The following RGMA variants were observed in gnomAD, a reference collection of about 807,000 sequenced individuals.
RGMA encodes the protein repulsive guidance molecule BMP co-receptor a.
In RGMA, 10 loss-of-function variants were observed where a neutral mutation model predicts 23.2. The ratio of observed to expected loss-of-function variants is 0.43; its 90% CI spans 0.27 to 0.73. RGMA has a LOEUF of 0.73. Among genes scored for constraint, RGMA ranks in the 30% least tolerant of loss-of-function variants. The probability of loss-of-function intolerance (pLI) is 0.20; values close to 1 mark genes in which losing one functional copy is unlikely to be tolerated. For missense variants in RGMA, 547 were observed against 630.5 expected, an observed-to-expected ratio of 0.87 and a Z score of 1.42; for synonymous variants, 308 against 279.3, an observed-to-expected ratio of 1.10 and a Z score of -1.03.
intron 1 of RGMA, among the ~76,000 whole-genome samples, chr15:93,080,638 T>C (rs1895544271): frequency 1.3e-5 from 2 of 152,208 alleles, no homozygotes; most frequent in South Asian, 4.1e-4. Context: ...GTGCTCCCTT[T>C]GACCTCTGCT....
At chr15:93,060,482 A>G (rs4778082) in intron 2 of RGMA, among the ~76,000 whole-genome samples, 83,489 of 151,966 alleles carry the variant, frequency 0.55, 23,324 homozygotes, top group East Asian at 0.82. Flanking sequence ...TGAGGGACTC[A>G]GCTTAAGCGG....
Position 93,052,068 on chromosome 15 carries a change from G to A in RGMA, c.570C>T (p.Ile190=), listed in dbSNP as rs763193989. 13 of 1,612,692 alleles carry A rather than the reference G, an allele frequency of 8.1e-6. No individual in the cohort carries two copies. Among genetic ancestry groups the A allele is most frequent in the South Asian group, 1.1e-5 (1 of 90,884 alleles). The stretch of plus-strand genomic sequence containing the variant: ...CCTGCACGTTCAGGTAATTATTGTC[G>A]ATGAGCGGCCAGGCGCCCTGCACCT... The part of the protein sequence containing the change: ...TCKVQGAWPL[I]DNNYLNVQVT... The change falls in exon 3 of 4, where the codon ATC becomes ATT. Residue 190 remains isoleucine (I), a synonymous_variant. Transcript: ENST00000329082.
intron 1 of RGMA, among the ~76,000 whole-genome samples, chr15:93,075,429 C>T (rs78132744): frequency 0.02 from 3,080 of 152,176 alleles, 118 homozygotes; most frequent in African/African-American, 0.071. Context: ...CCAAAAAAGA[C>T]AAAGATTCAT....
chr15:93,073,325 G>C (rs998340951), intron 1 of RGMA, among the ~76,000 whole-genome samples: 4 of 151,872 alleles, frequency 2.6e-5, no homozygotes, highest in Admixed American at 2.6e-4. Context: ...CGGGGACCCA[G>C]GCTGCCCGGC....
chr15:93,065,292 A>G (rs1169898342), intron 2 of RGMA, among the ~76,000 whole-genome samples: 1 of 151,814 alleles, frequency 6.6e-6, no homozygotes, highest in Non-Finnish European at 1.5e-5. Context: ...AAGAAAAACA[A>G]CCAGGAGGAG....
intron 3 of RGMA, among the ~76,000 whole-genome samples, chr15:93,046,041 T>C (rs894858346): frequency 3.9e-5 from 6 of 152,040 alleles, no homozygotes; most frequent in East Asian, 3.9e-4. Context: ...AAAAGCCCAG[T>C]GTGGTAGGCT....
chr15:93,065,605 G>A lies in RGMA; in HGVS notation c.130+7311C>T, dbSNP rs1895117007. ...GGAATCACTCCAGGATGGTGGTGGC[G>A]GGGTCCCCACTGTTGATAGGGGCTG... On this transcript the variant is annotated intron_variant, in intron 2 of 3. Coordinates refer to ENST00000329082, the MANE Select transcript of RGMA (RefSeq NM_020211.3). 4.5e-5 allele frequency: 36 copies of A among 802,272 alleles called. 1 individual carries two copies. The highest frequency in any genetic ancestry group is 3.2e-4 in the South Asian group (24 of 76,134). The allele number at this position is 802,272 out of a possible 1,614,324, so 49.7% of individuals were successfully genotyped here.
Position 93,037,237 on chromosome 15 carries a change from A to T in RGMA, c.*7761T>A, listed in dbSNP as rs367732848. 31 of 152,326 alleles carry T rather than the reference A, an allele frequency of 2.0e-4. 1 individual carries two copies. The highest frequency in any genetic ancestry group is 7.2e-4 in the African/African-American group (30 of 41,572). 9.4% of individuals were successfully genotyped at this position (152,326 alleles called of 1,614,324 possible). A position where few individuals can be genotyped will look rare whatever the true frequency, so the allele number is the denominator to read the frequency against. On this transcript the variant is annotated 3_prime_UTR_variant, in exon 4 of 4. Transcript: ENST00000329082. This position sits in a 1 kb window ranked among gnomAD's most constrained non-coding sequence, Gnocchi z 4.3. ...TGTTCCCTCACAGCTGAGATAGCTGAGGCTGCAAAACAAGGAAAACCCACC... is the reference window on the plus strand; with the variant it reads ...TGTTCCCTCACAGCTGAGATAGCTGTGGCTGCAAAACAAGGAAAACCCACC...
At position 93,043,252 on chromosome 15, in the gene RGMA, G is replaced by T. The variant is rs1464942805; in HGVS notation, c.*1746C>A. The T allele has an allele frequency of 7.2e-6, 1 of 138,458 alleles. No individual in the cohort carries two copies. Among genetic ancestry groups the T allele is most frequent in the East Asian group, 2.0e-4 (1 of 5,102 alleles). The allele number at this position is 138,458 out of a possible 1,614,324, so 8.6% of individuals were successfully genotyped here. On this transcript the variant is annotated 3_prime_UTR_variant, in exon 4 of 4. Transcript: ENST00000329082. ...CACATGCGTACATGCACGCACACAG[G>T]CACGCACACACACAGGCATGCATAC...
intron 3 of RGMA, among the ~76,000 whole-genome samples, chr15:93,049,010 G>A (rs549516513): frequency 3.3e-5 from 5 of 152,240 alleles, no homozygotes; most frequent in Admixed American, 6.5e-5. Flanking sequence ...CTCCTGGAAG[G>A]CTGACAGGCT....
chr15:93,043,258 A>ACGCGCACACACAGGCACGCACG lies in RGMA; in HGVS notation c.*1739_*1740insCGTGCGTGCCTGTGTGTGCGCG, dbSNP rs59906908. On this transcript the variant is annotated 3_prime_UTR_variant, in exon 4 of 4. Coordinates refer to ENST00000329082, the MANE Select transcript of RGMA (RefSeq NM_020211.3). Reference sequence around the variant, plus strand: ...CGTACATGCACGCACACAGGCACGCACACACACAGGCATGCATACACACAT... The same window carrying ACGCGCACACACAGGCACGCACG: ...CGTACATGCACGCACACAGGCACGCACGCGCACACACAGGCACGCACGCACACACAGGCATGCATACACACAT... The ACGCGCACACACAGGCACGCACG allele has an allele frequency of 5.2e-5, 1 of 19,232 alleles. No individual in the cohort carries two copies. Among genetic ancestry groups the ACGCGCACACACAGGCACGCACG allele is most frequent in the Non-Finnish European group, 2.6e-4 (1 of 3,872 alleles). The allele number at this position is 19,232 out of a possible 1,614,324, so 1.2% of individuals were successfully genotyped here.
At chr15:93,070,376 C>T (rs1216336276) in intron 2 of RGMA, among the ~76,000 whole-genome samples, 2 of 152,210 alleles carry the variant, frequency 1.3e-5, no homozygotes, top group African/African-American at 4.8e-5. Flanking sequence ...CAGTTTCCAC[C>T]TGTCTTCAAC....
intron 1 of RGMA, among the ~76,000 whole-genome samples, chr15:93,086,332 CCTT>C (rs1424979127): frequency 6.6e-6 from 1 of 152,188 alleles, no homozygotes; most frequent in Non-Finnish European, 1.5e-5. Flanking sequence ...TTCAGATAAT[CCTT>C]CTATGTTTTT....
intron 1 of RGMA, among the ~76,000 whole-genome samples, chr15:93,080,725 C>T (rs762374225): frequency 4.6e-5 from 7 of 152,180 alleles, no homozygotes; most frequent in South Asian, 4.1e-4. Context: ...GCCACCCTTC[C>T]GTGGTATTTG....
intron 1 of RGMA, among the ~76,000 whole-genome samples, chr15:93,085,450 C>G (rs1283379614): frequency 6.6e-6 from 1 of 152,208 alleles, no homozygotes; most frequent in Non-Finnish European, 1.5e-5. Flanking sequence ...CAGTATTTTG[C>G]TTTCTGAAAG....
At chr15:93,058,762 C>T (rs1226901978) in intron 2 of RGMA, among the ~76,000 whole-genome samples, 5 of 152,060 alleles carry the variant, frequency 3.3e-5, no homozygotes, top group Non-Finnish European at 7.4e-5. Flanking sequence ...TCCTTCACAC[C>T]TCTCGGATTT....
chr15:93,066,640 C>A (rs1274823410), intron 2 of RGMA: 2 of 442,686 alleles, frequency 4.5e-6, no homozygotes, highest in Non-Finnish European at 8.9e-6. Context: ...GCCGCCGCCT[C>A]CACCTCGCTC....
intron 1 of RGMA, among the ~76,000 whole-genome samples, chr15:93,083,381 G>A (rs1005683601): frequency 6.6e-5 from 10 of 152,150 alleles, no homozygotes; most frequent in Admixed American, 5.9e-4. Flanking sequence ...AGGCTGGAGT[G>A]TAATGGCATG....
chr15:93,084,762 C>T (rs189099406), intron 1 of RGMA, among the ~76,000 whole-genome samples: 2 of 152,248 alleles, frequency 1.3e-5, no homozygotes, highest in East Asian at 1.9e-4. Context: ...AGTGAACCAC[C>T]GTGCCTGGCT....
Sources: allele counts gnomAD v4.1 joint callset (sites outside exome capture counted in the v4.1 genomes callset), GRCh38; gene constraint gnomAD v4.1.1; non-coding constraint Gnocchi (gnomAD v3.1); transcripts MANE v1.5; gene names NCBI Gene and HGNC (gene_info 2026-07-23, HGNC 2026-07-21).